Variants in COPS2 observed in about 807,000 individuals in gnomAD.
COPS2 encodes the protein COP9 signalosome subunit 2.
In COPS2, 10 loss-of-function variants were observed where a neutral mutation model predicts 66.1. That is an observed-to-expected ratio of 0.15 (90% CI 0.09 to 0.26). The LOEUF (loss-of-function observed/expected upper bound fraction) is 0.26. Among genes scored for constraint, COPS2 ranks in the 10% least tolerant of loss-of-function variants. The pLI, the probability that COPS2 is intolerant of heterozygous loss-of-function variation, is 1.00. For missense variants in COPS2, 215 were observed against 513.3 expected (o/e 0.42, Z 5.62); for synonymous variants, 179 against 171.3 (o/e 1.04, Z -0.35).
At chr15:49,143,901 A>G (rs619045) in intron 3 of COPS2, among the ~76,000 whole-genome samples, 88,955 of 151,452 alleles carry the variant, frequency 0.59, 26,277 homozygotes, top group Middle Eastern at 0.67. Flanking sequence ...CAGGAGAATC[A>G]CTTGAACCCA....
At position 49,143,589 on chromosome 15, in the gene COPS2, C is replaced by T. The variant is rs143116531; in HGVS notation, c.246+638G>A. On this transcript the variant is annotated intron_variant, in intron 3 of 12. Coordinates refer to ENST00000388901, the MANE Select transcript of COPS2 (RefSeq NM_004236.4). Reference sequence around the variant, plus strand: ...TGAGAAGAGTTAAGCATAATGCTAACGTTTTGGCCCTAGTCAATGGAAGAG... The same window carrying T: ...TGAGAAGAGTTAAGCATAATGCTAATGTTTTGGCCCTAGTCAATGGAAGAG... 1.1e-3 allele frequency among the ~76,000 whole-genome samples: 175 copies of T among 152,272 alleles called. 2 individuals are homozygous for T. The East Asian group carries it at 0.029, about 25-fold the overall frequency.
rs2141118572 is a variant in COPS2, at chr15:49,122,901, T to C, written c.*5049A>G. 6.6e-6 allele frequency: 1 copy of C among 152,306 alleles called. No individual in the cohort carries two copies. Among genetic ancestry groups the C allele is most frequent in the South Asian group, 2.1e-4 (1 of 4,830 alleles). The allele number at this position is 152,306 out of a possible 1,614,324, so 9.4% of individuals were successfully genotyped here. The stretch of plus-strand genomic sequence containing the variant: ...GGCAGACATCCTGTTACATTCCTAA[T>C]CACCTACTACTTCCTTCCCACCTAG... On this transcript the variant is annotated 3_prime_UTR_variant, in exon 13 of 13. Coordinates refer to ENST00000388901, the MANE Select transcript of COPS2 (RefSeq NM_004236.4).
chr15:49,145,563 G>C (rs2084315167), intron 1 of COPS2, among the ~76,000 whole-genome samples: 2 of 152,078 alleles, frequency 1.3e-5, no homozygotes, highest in South Asian at 2.1e-4. Flanking sequence ...ACATGGCAAA[G>C]TCATCTAGCA....
At chr15:49,149,456 T>G (rs971927706) in intron 1 of COPS2, among the ~76,000 whole-genome samples, 6 of 152,200 alleles carry the variant, frequency 3.9e-5, no homozygotes, top group Admixed American at 2.0e-4. Flanking sequence ...ATGACATGCA[T>G]CTCTCTAACA....
intron 1 of COPS2, among the ~76,000 whole-genome samples, chr15:49,148,408 G>A (rs569601097): frequency 6.6e-6 from 1 of 152,114 alleles, no homozygotes; most frequent in African/African-American, 2.4e-5. Context: ...AGATACCCAA[G>A]TCAGGTATAA....
At chr15:49,154,156 T>C (rs2084387294) in intron 1 of COPS2, among the ~76,000 whole-genome samples, 1 of 152,008 alleles carries the variant, frequency 6.6e-6, no homozygotes, top group Non-Finnish European at 1.5e-5. Flanking sequence ...TACAAAATAC[T>C]ATGAATCAAT....
At chr15:49,147,361 C>CA (rs2084327827) in intron 1 of COPS2, among the ~76,000 whole-genome samples, 1 of 151,996 alleles carries the variant, frequency 6.6e-6, no homozygotes, top group South Asian at 2.1e-4. Context: ...AGTAAAAATT[C>CA]AGAGTCCATT....
rs1057332431 is a variant in COPS2, at chr15:49,126,355, A to G, written c.*1595T>C. The G allele has an allele frequency of 1.3e-5, 2 of 152,350 alleles. No homozygotes were observed. Among genetic ancestry groups the G allele is most frequent in the African/African-American group, 4.8e-5 (2 of 41,414 alleles). The allele number at this position is 152,350 out of a possible 1,614,324, so 9.4% of individuals were successfully genotyped here. A position where few individuals can be genotyped will look rare whatever the true frequency, so the allele number is the denominator to read the frequency against. On this transcript the variant is annotated 3_prime_UTR_variant, in exon 13 of 13. Transcript: ENST00000388901. ...TATATTTTTAGTATAAATATATATC[A>G]CATATTTTCGTAAAATTTTGACAAA... is the stretch of plus-strand genomic sequence containing the variant.
Position 49,144,309 on chromosome 15 carries a change from A to G in COPS2, c.169-5T>C. ...TTCACCTTCAAGTTCCAAAACCTAA[A>G]AAGAGGAAGAAATTTTTAGTTTATC... is the stretch of plus-strand genomic sequence containing the variant. On this transcript the variant is annotated splice_polypyrimidine_tract_variant and splice_region_variant and intron_variant, in intron 2 of 12. Transcript: ENST00000388901. 4 of 1,566,494 alleles carry G rather than the reference A, an allele frequency of 2.6e-6. No individual in the cohort carries two copies. The highest frequency in any genetic ancestry group is 3.5e-6 in the Non-Finnish European group (4 of 1,140,512).
At chr15:49,137,474 G>C in intron 4 of COPS2, 37 bp from the exon 5 acceptor site, 1 of 1,453,050 alleles carries the variant, frequency 6.9e-7, no homozygotes, top group Non-Finnish European at 9.6e-7. Context: ...ATTGTAAACA[G>C]CAAATTTGTA....
chr15:49,122,780 A>T lies in COPS2; in HGVS notation c.*5170T>A, dbSNP rs531837847. 2 of 152,308 alleles carry T rather than the reference A, an allele frequency of 1.3e-5. No individual in the cohort carries two copies. The highest frequency in any genetic ancestry group is 2.9e-5 in the Non-Finnish European group (2 of 68,018). 9.4% of individuals were successfully genotyped at this position (152,308 alleles called of 1,614,324 possible). On this transcript the variant is annotated 3_prime_UTR_variant, in exon 13 of 13. Coordinates refer to ENST00000388901, the MANE Select transcript of COPS2 (RefSeq NM_004236.4). ...GGAATGTGCACTTCCAGATAAATAA[A>T]AAAACCCTTGAGTATTTAAGCCTTA...
chr15:49,155,482 A>C, intron 1 of COPS2, 43 bp downstream of exon 1: 1 of 1,605,044 alleles, frequency 6.2e-7, no homozygotes, highest in South Asian at 1.1e-5. Flanking sequence ...CCCCGAAAAC[A>C]AGACACATCA....
intron 10 of COPS2, among the ~76,000 whole-genome samples, chr15:49,130,250 T>C (rs1244145957): frequency 6.6e-6 from 1 of 152,158 alleles, no homozygotes; most frequent in African/African-American, 2.4e-5. Context: ...TTGTAGTCTT[T>C]GGTAATTCAA....
chr15:49,153,295 C>T lies in COPS2; in HGVS notation c.54+2230G>A, dbSNP rs192735130. ...TACATGTGTAAATAAATAAAGAAGA[C>T]ATACAAATGGCCAACACATACATGA... On this transcript the variant is annotated intron_variant, in intron 1 of 12. Transcript: ENST00000388901. Among the ~76,000 whole-genome samples, 296 of 147,184 alleles carry T rather than the reference C, an allele frequency of 2.0e-3. 3 individuals carry two copies. Among genetic ancestry groups the T allele is most frequent in the Middle Eastern group, 0.014 (4 of 290 alleles).
Position 49,145,079 on chromosome 15 carries a change from CTG to C in COPS2, c.55-3_55-2del. The C allele has an allele frequency of 6.9e-7, 1 of 1,439,934 alleles. No individual in the cohort carries two copies. Among genetic ancestry groups the C allele is most frequent in the South Asian group, 1.3e-5 (1 of 77,266 alleles). 89.2% of individuals were successfully genotyped at this position (1,439,934 alleles called of 1,614,324 possible). A position where few individuals can be genotyped will look rare whatever the true frequency, so the allele number is the denominator to read the frequency against. ...CGGAGTTACTATCTTCAGAGTATTC[CTG>C]TGTTGGAAAGAAAGAAATATTAAAA... On this transcript the variant is annotated splice_acceptor_variant and splice_polypyrimidine_tract_variant and intron_variant, in intron 1 of 12. Transcript: ENST00000388901. LOFTEE classifies it high-confidence loss of function.
intron 1 of COPS2, among the ~76,000 whole-genome samples, chr15:49,149,187 T>A (rs1483005252): frequency 6.6e-6 from 1 of 152,222 alleles, no homozygotes; most frequent in Non-Finnish European, 1.5e-5. Flanking sequence ...TGTCCTGTTA[T>A]TTCCCCCAAG....
At chr15:49,138,833 C>T (rs1241435058) in intron 4 of COPS2, among the ~76,000 whole-genome samples, 1 of 152,086 alleles carries the variant, frequency 6.6e-6, no homozygotes, top group African/African-American at 2.4e-5. Context: ...GAGACTATAT[C>T]TTGTACTCAA....
At position 49,126,188 on chromosome 15, in the gene COPS2, T is replaced by A. The variant is rs534585024; in HGVS notation, c.*1762A>T. On this transcript the variant is annotated 3_prime_UTR_variant, in exon 13 of 13. Coordinates refer to ENST00000388901, the MANE Select transcript of COPS2 (RefSeq NM_004236.4). ...AGAAAATACACATAATTTTATAATA[T>A]CTTAAACTTTTATTCCCTACCATAG... is the stretch of plus-strand genomic sequence containing the variant. The A allele has an allele frequency of 2.0e-5, 3 of 152,618 alleles. No individual in the cohort carries two copies. The highest frequency in any genetic ancestry group is 4.1e-4 in the South Asian group (2 of 4,832). 9.5% of individuals were successfully genotyped at this position (152,618 alleles called of 1,614,324 possible). A position where few individuals can be genotyped will look rare whatever the true frequency, so the allele number is the denominator to read the frequency against.
intron 9 of COPS2, among the ~76,000 whole-genome samples, chr15:49,132,290 G>A (rs2084215902): frequency 6.7e-6 from 1 of 150,372 alleles, no homozygotes; most frequent in South Asian, 2.1e-4. Context: ...TAAAGAAACT[G>A]ATTTAATGTG....
Sources: gnomAD v4.1 joint callset for allele counts (sites outside exome capture counted in the v4.1 genomes callset) on GRCh38, gnomAD v4.1.1 for gene constraint, MANE v1.5 for transcripts, NCBI Gene and HGNC (gene_info 2026-07-23, HGNC 2026-07-21) for gene names.